The following ATRNL1 variants were observed in gnomAD, a reference collection of about 807,000 sequenced individuals.
ATRNL1 encodes the protein attractin-like protein 1.
In ATRNL1, 95 loss-of-function variants were observed where a neutral mutation model predicts 182.7. The observed-to-expected ratio is 0.52, with a 90% confidence interval of 0.44 to 0.62. The LOEUF is 0.62. Among genes scored for constraint, ATRNL1 ranks in the 20% least tolerant of loss-of-function variants. ATRNL1 has a pLI of 0.00. For synonymous variants in ATRNL1, 576 were observed against 568.3 expected, an observed-to-expected ratio of 1.01 and a Z score of -0.19; for missense variants, 1,471 against 1,679.5, an observed-to-expected ratio of 0.88 and a Z score of 2.17.
intron 9 of ATRNL1, among the ~76,000 whole-genome samples, chr10:115,220,773 T>G (rs1158643511): frequency 7.0e-6 from 1 of 142,320 alleles, no homozygotes; most frequent in Non-Finnish European, 1.5e-5. Context: ...CTAAAATAAG[T>G]ATTAGATTCT....
At chr10:115,405,432 G>A (rs1844769673) in intron 20 of ATRNL1, among the ~76,000 whole-genome samples, 1 of 152,070 alleles carries the variant, frequency 6.6e-6, no homozygotes. Context: ...CTGGTTTTAT[G>A]GAAAAATGGT....
intron 25 of ATRNL1, among the ~76,000 whole-genome samples, chr10:115,539,712 T>C (rs1318499426): frequency 1.3e-5 from 2 of 152,066 alleles, no homozygotes; most frequent in African/African-American, 4.8e-5. Context: ...AGCAGGAACA[T>C]GGGCAGCAGC....
At chr10:115,943,224 T>C (rs1403069042) in intron 28 of ATRNL1, among the ~76,000 whole-genome samples, 3 of 152,216 alleles carry the variant, frequency 2.0e-5, no homozygotes, top group Admixed American at 2.0e-4. Flanking sequence ...TTTATGAGAA[T>C]GAAAAGTCAA....
At chr10:115,685,539 C>A (rs2133960023) in intron 26 of ATRNL1, among the ~76,000 whole-genome samples, 1 of 151,948 alleles carries the variant, frequency 6.6e-6, no homozygotes, top group South Asian at 2.1e-4. Flanking sequence ...TGAGAATCAT[C>A]CATTTAGATA....
At chr10:115,442,694 A>G (rs1554965995) in intron 21 of ATRNL1, among the ~76,000 whole-genome samples, 1 of 152,032 alleles carries the variant, frequency 6.6e-6, no homozygotes, top group Non-Finnish European at 1.5e-5. Context: ...ACCTATTCCA[A>G]AACATTACCT....
At position 115,286,402 on chromosome 10, in the gene ATRNL1, C is replaced by T. The variant is rs369463545; in HGVS notation, c.2415+5C>T. On this transcript the variant is annotated splice_donor_5th_base_variant and intron_variant, in intron 15 of 28. Coordinates refer to ENST00000355044, the MANE Select transcript of ATRNL1 (RefSeq NM_207303.4). ...ATACAGAAGTATACACAACAGGTAA[C>T]ATTTCTACTTGTTTACATTATGGAA... 1.3e-5 allele frequency: 19 copies of T among 1,479,338 alleles called. No homozygotes were observed. In the African/African-American group the frequency reaches 2.7e-4, roughly 21 times the overall value. 91.6% of individuals were successfully genotyped at this position (1,479,338 alleles called of 1,614,324 possible).
intron 26 of ATRNL1, among the ~76,000 whole-genome samples, chr10:115,647,665 A>C (rs1411895719): frequency 2.0e-5 from 3 of 151,740 alleles, no homozygotes; most frequent in African/African-American, 7.3e-5. Context: ...TTTTCTTGTA[A>C]ATTTGTTTAA....
At chr10:115,800,122 A>G (rs1267104610) in intron 27 of ATRNL1, among the ~76,000 whole-genome samples, 3 of 151,982 alleles carry the variant, frequency 2.0e-5, no homozygotes, top group Admixed American at 6.6e-5. Flanking sequence ...CAGGAAGCTG[A>G]GGCAGGAGAA....
chr10:115,417,533 T>C (rs1321881293), intron 20 of ATRNL1, among the ~76,000 whole-genome samples: 1 of 152,196 alleles, frequency 6.6e-6, no homozygotes, highest in African/African-American at 2.4e-5. Flanking sequence ...TGCAGGGACC[T>C]GCTAGGAGAT....
intron 9 of ATRNL1, among the ~76,000 whole-genome samples, chr10:115,229,943 A>G (rs17722621): frequency 6.6e-6 from 1 of 152,198 alleles, no homozygotes; most frequent in South Asian, 2.1e-4. Flanking sequence ...GAAAGAGGAC[A>G]TTACAATACC....
At chr10:115,592,949 A>ATCTGTCTG (rs1217498911) in intron 26 of ATRNL1, among the ~76,000 whole-genome samples, 2 of 152,014 alleles carry the variant, frequency 1.3e-5, no homozygotes, top group Admixed American at 6.6e-5. Context: ...CTATCTGTCT[A>ATCTGTCTG]TCTATCTATC....
intron 13 of ATRNL1, among the ~76,000 whole-genome samples, chr10:115,278,177 A>G (rs1347212803): frequency 2.0e-5 from 3 of 152,142 alleles, no homozygotes; most frequent in Non-Finnish European, 4.4e-5. Flanking sequence ...TATTTTTTGA[A>G]TTGGAAGGCT....
chr10:115,379,827 T>G (rs570132666), intron 19 of ATRNL1, among the ~76,000 whole-genome samples: 19 of 152,304 alleles, frequency 1.2e-4, no homozygotes, highest in African/African-American at 4.6e-4. Flanking sequence ...AAGTAAACTT[T>G]ATACCTTTTT....
At chr10:115,360,976 C>T (rs376210369) in intron 19 of ATRNL1, among the ~76,000 whole-genome samples, 1 of 151,886 alleles carries the variant, frequency 6.6e-6, no homozygotes, top group Non-Finnish European at 1.5e-5. Flanking sequence ...TCAGGAGCCA[C>T]ATGCTGTCAT....
intron 26 of ATRNL1, among the ~76,000 whole-genome samples, chr10:115,668,136 T>G (rs75302619): frequency 0.028 from 4,219 of 152,174 alleles, 98 homozygotes; most frequent in East Asian, 0.13. Flanking sequence ...TCTCCATGAC[T>G]TTCTTGCTTT....
intron 25 of ATRNL1, among the ~76,000 whole-genome samples, chr10:115,525,917 G>C (rs142479738): frequency 9.9e-5 from 15 of 152,122 alleles, no homozygotes; most frequent in African/African-American, 3.6e-4. Context: ...CCTAAATCTT[G>C]CATCCGTATC....
At chr10:115,531,375 C>G (rs374948072) in intron 25 of ATRNL1, among the ~76,000 whole-genome samples, 1 of 152,026 alleles carries the variant, frequency 6.6e-6, no homozygotes, top group Non-Finnish European at 1.5e-5. Flanking sequence ...TCTCTGATGG[C>G]CAGTGATGGT....
At chr10:115,775,448 T>A (rs1949099308) in intron 27 of ATRNL1, among the ~76,000 whole-genome samples, 1 of 152,196 alleles carries the variant, frequency 6.6e-6, no homozygotes, top group South Asian at 2.1e-4. Context: ...GACTTATTCT[T>A]CTGAATTGAA....
chr10:115,797,509 A>G (rs1173945450), intron 27 of ATRNL1, among the ~76,000 whole-genome samples: 2 of 152,118 alleles, frequency 1.3e-5, no homozygotes, highest in African/African-American at 2.4e-5. Flanking sequence ...TCTTCTGCCA[A>G]TTTTTGGACT....
Sources: allele counts gnomAD v4.1 joint callset (sites outside exome capture counted in the v4.1 genomes callset), GRCh38; gene constraint gnomAD v4.1.1; transcripts MANE v1.5; gene names NCBI Gene and HGNC (gene_info 2026-07-23, HGNC 2026-07-21).